The following ADGRV1 variants were observed in gnomAD, a reference collection of about 807,000 sequenced individuals.
The protein encoded by ADGRV1 is adhesion G protein-coupled receptor V1, also known as G-protein coupled receptor 98.
A neutral mutation model predicts 596.2 loss-of-function variants in ADGRV1; 359 were observed. That is an observed-to-expected ratio of 0.60 (90% CI 0.55 to 0.66). The LOEUF is 0.66. Among genes scored for constraint, ADGRV1 ranks in the 30% least tolerant of loss-of-function variants. The pLI is 0.00. For synonymous variants in ADGRV1, 2,681 were observed against 2,679.2 expected (o/e 1.00, Z -0.02); for missense variants, 7,274 against 7,575.6 (o/e 0.96, Z 1.48).
intron 85 of ADGRV1, among the ~76,000 whole-genome samples, chr5:91,018,166 A>G (rs2151175641): frequency 6.6e-6 from 1 of 152,092 alleles, no homozygotes; most frequent in South Asian, 2.1e-4. Context: ...GTCTCTGAGC[A>G]TCTTTTCTCT....
intron 83 of ADGRV1, among the ~76,000 whole-genome samples, chr5:90,888,729 G>C (rs190789246): frequency 6.6e-6 from 1 of 151,896 alleles, no homozygotes; most frequent in Non-Finnish European, 1.5e-5. Flanking sequence ...TCTATGCTTG[G>C]CTTATTCAGG....
intron 10 of ADGRV1, 34 bp from the exon 11 acceptor site, chr5:90,637,691 A>G: frequency 7.0e-7 from 1 of 1,426,288 alleles, no homozygotes; most frequent in Non-Finnish European, 9.5e-7. Context: ...CATATATTTT[A>G]GAAGAAATTG....
In ADGRV1 at chr5:90,712,964, G is replaced by C. The variant is rs77176389; in HGVS notation, c.9184+536G>C. Among the ~76,000 whole-genome samples, 86 of 152,210 alleles carry C rather than the reference G, an allele frequency of 5.7e-4. 1 individual carries two copies. In the East Asian group the frequency reaches 0.012, roughly 21 times the overall value. On this transcript the variant is annotated intron_variant, in intron 42 of 89. Transcript: ENST00000405460. ...TAAGAGTCATCCTACTCCATTGCTTGATAGGTATTGTGCTGACTGTTTAGA... is the reference window on the plus strand; with the variant it reads ...TAAGAGTCATCCTACTCCATTGCTTCATAGGTATTGTGCTGACTGTTTAGA...
At chr5:90,688,101 C>CA (rs1272720367) in intron 29 of ADGRV1, among the ~76,000 whole-genome samples, 4 of 151,968 alleles carry the variant, frequency 2.6e-5, no homozygotes, top group Non-Finnish European at 5.9e-5. Context: ...AATCCTAAGC[C>CA]AAAAGAACAA....
intron 38 of ADGRV1, among the ~76,000 whole-genome samples, chr5:90,706,867 TTTG>T (rs1376572674): frequency 2.0e-5 from 3 of 151,796 alleles, no homozygotes; most frequent in Non-Finnish European, 2.9e-5. Flanking sequence ...TTTTCTTGAT[TTTG>T]TTGTTGTTGT....
At chr5:90,893,596 C>T (rs1268782557) in intron 83 of ADGRV1, among the ~76,000 whole-genome samples, 2 of 152,110 alleles carry the variant, frequency 1.3e-5, no homozygotes, top group African/African-American at 4.8e-5. Context: ...TATCCATTTG[C>T]TTATAATTTA....
At chr5:91,020,451 A>G (rs1451761656) in intron 85 of ADGRV1, among the ~76,000 whole-genome samples, 1 of 152,020 alleles carries the variant, frequency 6.6e-6, no homozygotes, top group Admixed American at 6.6e-5. Context: ...CTCATAACAG[A>G]TGAGGTCCTA....
At chr5:90,806,149 A>G (rs1581181249) in intron 72 of ADGRV1, among the ~76,000 whole-genome samples, 1 of 152,208 alleles carries the variant, frequency 6.6e-6, no homozygotes, top group Non-Finnish European at 1.5e-5. Flanking sequence ...AGATCTCGGC[A>G]TCACTGAGAG....
intron 75 of ADGRV1, among the ~76,000 whole-genome samples, chr5:90,818,039 C>T (rs1763084666): frequency 6.6e-6 from 1 of 151,634 alleles, no homozygotes; most frequent in Non-Finnish European, 1.5e-5. Context: ...ATTCTTCCTA[C>T]CCATGAGCAT....
intron 59 of ADGRV1, among the ~76,000 whole-genome samples, chr5:90,770,062 C>G (rs1244099484): frequency 6.6e-6 from 1 of 152,084 alleles, no homozygotes; most frequent in Non-Finnish European, 1.5e-5. Flanking sequence ...TTAGTTTGTT[C>G]TCACACTGCT....
At chr5:90,952,413 T>C (rs1777130881) in intron 83 of ADGRV1, among the ~76,000 whole-genome samples, 1 of 152,220 alleles carries the variant, frequency 6.6e-6, no homozygotes, top group Admixed American at 6.5e-5. Flanking sequence ...TTCTACTTGC[T>C]GTTCAAGAGT....
chr5:90,742,598 A>G (rs1316096720), intron 50 of ADGRV1, among the ~76,000 whole-genome samples: 2 of 152,134 alleles, frequency 1.3e-5, no homozygotes, highest in Non-Finnish European at 2.9e-5. Context: ...AGAGATGGGC[A>G]GAGAGAAAGA....
Position 91,151,433 on chromosome 5 carries a change from A to G in ADGRV1, c.18624+1212A>G, listed in dbSNP as rs183759611. Among the ~76,000 whole-genome samples, 60 of 152,308 alleles carry G rather than the reference A, an allele frequency of 3.9e-4. 1 individual carries two copies. The highest frequency in any genetic ancestry group is 1.4e-3 in the Admixed American group (21 of 15,292). ...GTACAAAATTTGAGTTATAAAATGA[A>G]TAAGTTCAAGTACAGTCTTTAAAAA... On this transcript the variant is annotated intron_variant, in intron 88 of 89. Transcript: ENST00000405460.
At position 90,965,479 on chromosome 5, in the gene ADGRV1, C is replaced by G. The variant is rs893468323; in HGVS notation, c.17921C>G (p.Ala5974Gly). Residue 5974 changes from alanine (A) to glycine (G), a missense_variant, in exon 84 of 90, where the codon GCT (alanine) becomes GGT (glycine). Physicochemically the swap from Ala to Gly is moderately conservative, Grantham distance 60. Coordinates refer to ENST00000405460, the MANE Select transcript of ADGRV1 (RefSeq NM_032119.4). Reference sequence around the variant, plus strand: ...GCTGAGGAGAGCTGTTCAGCTATGGCTGCTGTCACACATTACCTGTATCTT... The same window carrying G: ...GCTGAGGAGAGCTGTTCAGCTATGGGTGCTGTCACACATTACCTGTATCTT... ...QLAEESCSAM[A>G]AVTHYLYLCQ... The G allele has an allele frequency of 1.4e-5, 23 of 1,613,692 alleles. No individual in the cohort carries two copies. Among genetic ancestry groups the G allele is most frequent in the Non-Finnish European group, 1.9e-5 (22 of 1,179,746 alleles).
At chr5:90,910,800 A>G (rs1178703875) in intron 83 of ADGRV1, among the ~76,000 whole-genome samples, 1 of 152,114 alleles carries the variant, frequency 6.6e-6, no homozygotes, top group African/African-American at 2.4e-5. Flanking sequence ...AACTGACTGA[A>G]AATCTAATCT....
chr5:90,629,270 G>GA lies in ADGRV1; in HGVS notation c.1574dup (p.Asn525LysfsTer5). 1 of 1,610,858 alleles carries GA rather than the reference G, an allele frequency of 6.2e-7. No homozygotes were observed. The highest frequency in any genetic ancestry group is 8.5e-7 in the Non-Finnish European group (1 of 1,178,844). ...TGGCCTAATAACATTTTTTCCTATG[G>GA]AAAACCAGAAGATTGAAAGCAGCCC... On this transcript the variant is annotated frameshift_variant, in exon 9 of 90. Transcript: ENST00000405460. LOFTEE classifies it high-confidence loss of function.
At chr5:90,759,336 T>C in intron 57 of ADGRV1, 73 bp from the exon 58 acceptor site, 1 of 1,140,704 alleles carries the variant, frequency 8.8e-7, no homozygotes, top group East Asian at 2.6e-5. Flanking sequence ...GATTACATTA[T>C]TTCTTTCCTC....
rs1765345197 is a variant in ADGRV1 at position 90,840,656 on chromosome 5, G to A, written c.16690G>A (p.Gly5564Ser). ...TGGAAAGGATTTTGTGATAACTGAA[G>A]GCACATTGGTCTTTGAACCTGGCCA... ...ISGKDFVITE[G>S]TLVFEPGQRS... The change falls in exon 78 of 90, where the codon GGC becomes AGC. Residue 5564 changes from glycine to serine, a missense_variant. Transcript: ENST00000405460. 1.2e-6 allele frequency: 2 copies of A among 1,613,810 alleles called. No homozygotes were observed. The highest frequency in any genetic ancestry group is 1.7e-6 in the Non-Finnish European group (2 of 1,179,820).
intron 85 of ADGRV1, among the ~76,000 whole-genome samples, chr5:90,994,509 A>G (rs1032798351): frequency 2.6e-5 from 4 of 152,172 alleles, no homozygotes; most frequent in Non-Finnish European, 5.9e-5. Context: ...GAACATAATT[A>G]AAATAGCTAA....
Sources: gnomAD v4.1 joint callset for allele counts (sites outside exome capture counted in the v4.1 genomes callset) on GRCh38, gnomAD v4.1.1 for gene constraint, MANE v1.5 for transcripts, NCBI Gene and HGNC (gene_info 2026-07-23, HGNC 2026-07-21) for gene names.